Variants in IPO13 observed in about 807,000 individuals in gnomAD.
The protein encoded by IPO13 is importin 13, also known as importin-13.
In IPO13, 28 loss-of-function variants were observed where a neutral mutation model predicts 115.5. That is an observed-to-expected ratio of 0.24 (90% CI 0.18 to 0.33). The LOEUF is 0.33. Among genes scored for constraint, IPO13 ranks in the 10% least tolerant of loss-of-function variants. IPO13 has a pLI of 1.00. For synonymous variants in IPO13, 414 were observed against 478.9 expected (o/e 0.86, Z 1.77); for missense variants, 785 against 1,204.6 (o/e 0.65, Z 5.16).
Position 43,947,688 on chromosome 1 carries a change from T to C in IPO13, c.84+4T>C. On this transcript the variant is annotated splice_donor_region_variant and intron_variant, in intron 1 of 19. Coordinates refer to ENST00000372343, the MANE Select transcript of IPO13 (RefSeq NM_014652.4). ...CACTGTGGAGAACGTGGAGAAGGTA[T>C]GAGGGCTCTGGGGTGGGCACTCCAG... 7.6e-7 allele frequency: 1 copy of C among 1,308,380 alleles called. No homozygotes were observed. Among genetic ancestry groups the C allele is most frequent in the Non-Finnish European group, 9.8e-7 (1 of 1,017,264 alleles). 81.0% of individuals were successfully genotyped at this position (1,308,380 alleles called of 1,614,324 possible). A position where few individuals can be genotyped will look rare whatever the true frequency, so the allele number is the denominator to read the frequency against.
At position 43,966,374 on chromosome 1, in the gene IPO13, A is replaced by G. The variant is rs2085324667; in HGVS notation, c.2398-201A>G. On this transcript the variant is annotated intron_variant, in intron 15 of 19. Coordinates refer to ENST00000372343, the MANE Select transcript of IPO13 (RefSeq NM_014652.4). The surrounding 1 kb of genome is among the most constrained non-coding windows in gnomAD (Gnocchi z 4.1). ...CACCTGCGTGTTCATGTACACATAC[A>G]TGTACATAGCATCCCTTGAGCTGTC... The G allele has an allele frequency of 3.2e-6, 2 of 627,484 alleles. No individual in the cohort carries two copies. Among genetic ancestry groups the G allele is most frequent in the Admixed American group, 2.5e-5 (1 of 40,130 alleles). The allele number at this position is 627,484 out of a possible 1,614,324, so 38.9% of individuals were successfully genotyped here.
Position 43,967,541 on chromosome 1 carries a change from A to T in IPO13, c.2795+45A>T. On this transcript the variant is annotated intron_variant, in intron 19 of 19. Coordinates refer to ENST00000372343, the MANE Select transcript of IPO13 (RefSeq NM_014652.4). This position sits in a 1 kb window ranked among gnomAD's most constrained non-coding sequence, Gnocchi z 6.1. ...GCCTGGGGTCAGGCAGAGAGGGGGCAGTGGTGGTGGCTGGTGCTAACCTGC... is the reference window on the plus strand; with the variant it reads ...GCCTGGGGTCAGGCAGAGAGGGGGCTGTGGTGGTGGCTGGTGCTAACCTGC... 1.2e-6 allele frequency: 2 copies of T among 1,614,068 alleles called. No individual in the cohort carries two copies. The highest frequency in any genetic ancestry group is 1.7e-6 in the Non-Finnish European group (2 of 1,179,930).
intron 12 of IPO13, 126 bp downstream of exon 12, chr1:43,960,455 T>C: frequency 1.2e-6 from 1 of 834,796 alleles, no homozygotes; most frequent in East Asian, 2.5e-5. Context: ...TCCTGCCCCA[T>C]AGAGATAAGG....
At chr1:43,964,657 G>A (rs2085310356) in intron 15 of IPO13, among the ~76,000 whole-genome samples, 1 of 152,094 alleles carries the variant, frequency 6.6e-6, no homozygotes. Context: ...GTGTAGGGCT[G>A]GAGTTGAAGG....
intron 11 of IPO13, 83 bp from the exon 12 acceptor site, chr1:43,960,166 C>T: frequency 7.6e-7 from 1 of 1,317,006 alleles, no homozygotes. Context: ...TGAACTGCTC[C>T]CCTCCTCCCT....
chr1:43,950,418 C>A (rs7556565), intron 2 of IPO13, among the ~76,000 whole-genome samples: 1 of 144,510 alleles, frequency 6.9e-6, no homozygotes, highest in Admixed American at 6.6e-5. Context: ...CTGGCTGTTC[C>A]CCTCCTGACC....
chr1:43,957,170 T>A, intron 5 of IPO13, 25 bp from the exon 6 acceptor site: 1 of 1,611,372 alleles, frequency 6.2e-7, no homozygotes, highest in African/African-American at 1.3e-5. Flanking sequence ...CCAGGCAGTA[T>A]AAAAGGCCTT....
rs138996802 is a variant in IPO13 at position 43,956,899 on chromosome 1, G to C, written c.1194G>C (p.Leu398=). 233 of 1,614,256 alleles carry C rather than the reference G, an allele frequency of 1.4e-4. No homozygotes were observed. The African/African-American group carries it at 2.3e-3, about 16-fold the overall frequency. ...ACTTCCAGCTGGTGGATGTGCTTCT[G>C]CACAAGGCCCAGTTCCCTTCTGATG... The part of the protein sequence containing the change: ...PVYFQLVDVL[L]HKAQFPSDEE... The change falls in exon 5 of 20, where the codon CTG becomes CTC. Residue 398 remains leucine, a synonymous_variant. Transcript: ENST00000372343. The surrounding 1 kb of genome is among the most constrained non-coding windows in gnomAD (Gnocchi z 4.7).
rs1184180045 is a variant in IPO13 at position 43,967,412 on chromosome 1, T to C, written c.2711T>C (p.Ile904Thr). The C allele has an allele frequency of 6.2e-7, 1 of 1,614,128 alleles. No individual in the cohort carries two copies. The highest frequency in any genetic ancestry group is 1.7e-5 in the Admixed American group (1 of 60,024). ...KHCFSLLSMWIKEALQPPGFP... is the reference protein window; with the variant it reads ...KHCFSLLSMWTKEALQPPGFP... Reference sequence around the variant, plus strand: ...TGCTTCAGCCTCCTGAGCATGTGGATCAAGGAGGCCCTGCAGCCACCTGGT... The same window carrying C: ...TGCTTCAGCCTCCTGAGCATGTGGACCAAGGAGGCCCTGCAGCCACCTGGT... The change falls in exon 19 of 20, where the codon ATC becomes ACC. Residue 904 changes from isoleucine (I) to threonine (T), a missense_variant. Physicochemically the swap from Ile to Thr is moderately conservative, Grantham distance 89. This residue lies in a region of IPO13 where 285 missense variants were observed against 394.8 expected (regional missense o/e 0.72). Coordinates refer to ENST00000372343, the MANE Select transcript of IPO13 (RefSeq NM_014652.4). This position sits in a 1 kb window ranked among gnomAD's most constrained non-coding sequence, Gnocchi z 6.1.
chr1:43,955,739 C>T (rs771612629), intron 2 of IPO13, among the ~76,000 whole-genome samples: 5 of 152,192 alleles, frequency 3.3e-5, no homozygotes, highest in Non-Finnish European at 5.9e-5. Context: ...TTTTGAGGTA[C>T]TGGGGATTAA....
chr1:43,956,988 A>G lies in IPO13; in HGVS notation c.1271+12A>G, dbSNP rs2085255308. 6.2e-7 allele frequency: 1 copy of G among 1,613,018 alleles called. No individual in the cohort carries two copies. The highest frequency in any genetic ancestry group is 8.5e-7 in the Non-Finnish European group (1 of 1,179,486). ...TTCCGAATTTACAGGTGATGGTAGC[A>G]GGCCAACTCCTCTAAAATGGAGTCC... On this transcript the variant is annotated intron_variant, in intron 5 of 19. Transcript: ENST00000372343. This position sits in a 1 kb window ranked among gnomAD's most constrained non-coding sequence, Gnocchi z 4.7.
chr1:43,965,865 G>C lies in IPO13; in HGVS notation c.2398-710G>C, dbSNP rs180879418. 150 of 159,692 alleles carry C rather than the reference G, an allele frequency of 9.4e-4. No individual in the cohort carries two copies. In the East Asian group the frequency reaches 0.015, roughly 16 times the overall value. 9.9% of individuals were successfully genotyped at this position (159,692 alleles called of 1,614,324 possible). A position where few individuals can be genotyped will look rare whatever the true frequency, so the allele number is the denominator to read the frequency against. On this transcript the variant is annotated intron_variant, in intron 15 of 19. Transcript: ENST00000372343. ...GCAGTGTTTGAGGATGACTGGAGCT[G>C]TGCAGAGCATCTCCTGTGACCTGAG...
At position 43,957,334 on chromosome 1, in the gene IPO13, T is replaced by A. The variant is rs937148817; in HGVS notation, c.1392+19T>A. On this transcript the variant is annotated intron_variant, in intron 6 of 19. Transcript: ENST00000372343. ...CTGGCAGGTACCTCCCAAGCCTGAT[T>A]CCCTCAGCCTTCCCAGACCTGTCAC... 1 of 1,613,358 alleles carries A rather than the reference T, an allele frequency of 6.2e-7. No homozygotes were observed. The highest frequency in any genetic ancestry group is 2.2e-5 in the East Asian group (1 of 44,862).
In IPO13 at chr1:43,956,481, G is replaced by T; in HGVS notation, c.962+21G>T. On this transcript the variant is annotated intron_variant, in intron 3 of 19. Coordinates refer to ENST00000372343, the MANE Select transcript of IPO13 (RefSeq NM_014652.4). The surrounding 1 kb of genome is among the most constrained non-coding windows in gnomAD (Gnocchi z 4.7). ...TCCCGGTAAAGGGTGGAGCAGCTTG[G>T]GGTGGGATAGTAGGGCCCTCTAAGA... is the stretch of plus-strand genomic sequence containing the variant. 11 of 1,614,142 alleles carry T rather than the reference G, an allele frequency of 6.8e-6. No individual in the cohort carries two copies. The highest frequency in any genetic ancestry group is 9.3e-6 in the Non-Finnish European group (11 of 1,180,026).
chr1:43,955,867 T>G (rs965069772), intron 2 of IPO13, among the ~76,000 whole-genome samples: 5 of 151,878 alleles, frequency 3.3e-5, no homozygotes, highest in Admixed American at 2.6e-4. Context: ...TTCATCTCAA[T>G]CTCCCCAAAA....
At position 43,947,552 on chromosome 1, in the gene IPO13, G is replaced by C; in HGVS notation, c.-49G>C. 9.2e-7 allele frequency: 1 copy of C among 1,082,908 alleles called. No individual in the cohort carries two copies. The highest frequency in any genetic ancestry group is 1.2e-6 in the Non-Finnish European group (1 of 834,268). 67.1% of individuals were successfully genotyped at this position (1,082,908 alleles called of 1,614,324 possible). A position where few individuals can be genotyped will look rare whatever the true frequency, so the allele number is the denominator to read the frequency against. ...CAGGGGGCCAGCAGCCAAGGGGCTG[G>C]GGCAGGAGACAGATCAGGGCCCACC... On this transcript the variant is annotated 5_prime_UTR_variant, in exon 1 of 20. Transcript: ENST00000372343.
In IPO13 at chr1:43,958,997, T is replaced by C; in HGVS notation, c.2028+108T>C. On this transcript the variant is annotated intron_variant, in intron 11 of 19. Transcript: ENST00000372343. This position sits in a 1 kb window ranked among gnomAD's most constrained non-coding sequence, Gnocchi z 6.3. ...TCAATTCTGTGGGTAATGTTGTCAT[T>C]GTTCTCCCTGCCCCGTGGGCGTGAT... 1 of 1,105,522 alleles carries C rather than the reference T, an allele frequency of 9.0e-7. No homozygotes were observed. The highest frequency in any genetic ancestry group is 1.3e-6 in the Non-Finnish European group (1 of 756,336). 68.5% of individuals were successfully genotyped at this position (1,105,522 alleles called of 1,614,324 possible). A position where few individuals can be genotyped will look rare whatever the true frequency, so the allele number is the denominator to read the frequency against.
Position 43,958,353 on chromosome 1 carries a change from T to G in IPO13, c.1749+85T>G. ...GAAATCCTGTTTTTTGGCCTTCCCC[T>G]TCCTCTTATCCCTTATTCTCTGTTT... On this transcript the variant is annotated intron_variant, in intron 9 of 19. Transcript: ENST00000372343. The surrounding 1 kb of genome is among the most constrained non-coding windows in gnomAD (Gnocchi z 6.3). 2.5e-6 allele frequency: 4 copies of G among 1,609,206 alleles called. No individual in the cohort carries two copies. Among genetic ancestry groups the G allele is most frequent in the Non-Finnish European group, 3.4e-6 (4 of 1,175,874 alleles).
At chr1:43,961,736 T>A (rs1241278432) in intron 14 of IPO13, among the ~76,000 whole-genome samples, 1 of 152,208 alleles carries the variant, frequency 6.6e-6, no homozygotes, top group Non-Finnish European at 1.5e-5. Context: ...AACATATACT[T>A]GAAATGATTG....
Sources: gnomAD v4.1 joint callset for allele counts (sites outside exome capture counted in the v4.1 genomes callset) on GRCh38, gnomAD v4.1.1 for gene constraint, gnomAD v4.1.1 regional missense constraint, Gnocchi (gnomAD v3.1) non-coding constraint, MANE v1.5 for transcripts, NCBI Gene and HGNC (gene_info 2026-07-23, HGNC 2026-07-21) for gene names.